Variants in HIF1A observed in about 807,000 individuals in gnomAD.
HIF1A encodes the protein hypoxia-inducible factor 1-alpha.
HIF1A carries 24 observed loss-of-function variants against 92.7 expected under a neutral mutation model. The ratio of observed to expected loss-of-function variants is 0.26; its 90% CI spans 0.19 to 0.36. HIF1A has a LOEUF of 0.36. HIF1A is among the 10% of genes least tolerant of loss of function. The pLI is 1.00. For missense variants in HIF1A, 799 were observed against 998.5 expected, an observed-to-expected ratio of 0.80 and a Z score of 2.69; for synonymous variants, 319 against 338.7, an observed-to-expected ratio of 0.94 and a Z score of 0.64.
At position 61,745,748 on chromosome 14, in the gene HIF1A, C is replaced by T. The variant is rs1251468432; in HGVS notation, c.2260C>T (p.Arg754Cys). 2.5e-6 allele frequency: 4 copies of T among 1,611,162 alleles called. No homozygotes were observed. Among genetic ancestry groups the T allele is most frequent in the Non-Finnish European group, 3.4e-6 (4 of 1,177,344 alleles). ...HAATTSLSWKRVKGCKSSEQN... is the reference protein window; with the variant it reads ...HAATTSLSWKCVKGCKSSEQN... ...AGCTACTACATCACTTTCTTGGAAACGTGTAAAAGGATGCAAATCTAGTGA... is the reference window on the plus strand; with the variant it reads ...AGCTACTACATCACTTTCTTGGAAATGTGTAAAAGGATGCAAATCTAGTGA... The change falls in exon 14 of 15, where the codon CGT (arginine) becomes TGT (cysteine). Residue 754 changes from arginine to cysteine, a missense_variant. Physicochemically the swap from Arg to Cys is radical, Grantham distance 180. Around this residue, in one of 2 missense-constraint regions of HIF1A, gnomAD observed 283 missense variants for 277.5 expected, o/e 1.02. Transcript: ENST00000337138.
At chr14:61,739,238 A>T (rs2044676973) in intron 10 of HIF1A, among the ~76,000 whole-genome samples, 2 of 152,190 alleles carry the variant, frequency 1.3e-5, no homozygotes, top group African/African-American at 4.8e-5. Flanking sequence ...GGTCTTTTTT[A>T]TTCTGGATCT....
At chr14:61,697,597 C>G (rs2044131136) in intron 1 of HIF1A, 2 of 782,286 alleles carry the variant, frequency 2.6e-6, no homozygotes, top group South Asian at 1.0e-4. Context: ...TTCCTCAGCC[C>G]ATCTGTTACT....
At chr14:61,728,345 C>T (rs940869231) in intron 6 of HIF1A, among the ~76,000 whole-genome samples, 3 of 152,324 alleles carry the variant, frequency 2.0e-5, no homozygotes, top group Non-Finnish European at 2.9e-5. Flanking sequence ...CCCTGAGAAG[C>T]TTCAACCTTG....
Position 61,727,413 on chromosome 14 carries a change from T to C in HIF1A, c.571-40T>C, listed in dbSNP as rs41467354. ...TCTCTGCTTTTTTTTTCCCTAGCAT[T>C]GTAAATATTTTTTTTAACTGCTTTG... On this transcript the variant is annotated intron_variant, in intron 5 of 14. Transcript: ENST00000337138. 4,204 of 1,460,620 alleles carry C rather than the reference T, an allele frequency of 2.9e-3. 96 individuals are homozygous for C. In the African/African-American group the frequency reaches 0.051, roughly 18 times the overall value. The allele number at this position is 1,460,620 out of a possible 1,614,324, so 90.5% of individuals were successfully genotyped here.
At chr14:61,704,485 A>T (rs1291853069) in intron 1 of HIF1A, among the ~76,000 whole-genome samples, 9 of 152,234 alleles carry the variant, frequency 5.9e-5, no homozygotes, top group Admixed American at 5.9e-4. Flanking sequence ...GGAGGGGGAA[A>T]TTAAGAAAGC....
Position 61,736,993 on chromosome 14 carries a change from T to C in HIF1A, c.1133T>C (p.Val378Ala). 4.3e-6 allele frequency: 7 copies of C among 1,613,632 alleles called. No individual in the cohort carries two copies. The highest frequency in any genetic ancestry group is 5.9e-6 in the Non-Finnish European group (7 of 1,179,484). The part of the protein sequence containing the change: ...DMKMTQLFTK[V>A]ESEDTSSLFD... Reference sequence around the variant, plus strand: ...AAAATGACTCAGCTATTCACCAAAGTTGAATCAGAAGATACAAGTAGCCTC... The same window carrying C: ...AAAATGACTCAGCTATTCACCAAAGCTGAATCAGAAGATACAAGTAGCCTC... Residue 378 changes from valine to alanine, a missense_variant, in exon 9 of 15, where the codon GTT (valine) becomes GCT (alanine). By Grantham distance (64) the Val-to-Ala change is moderately conservative. Coordinates refer to ENST00000337138, the MANE Select transcript of HIF1A (RefSeq NM_001530.4).
intron 1 of HIF1A, among the ~76,000 whole-genome samples, chr14:61,708,958 T>G (rs1282702550): frequency 7.2e-6 from 1 of 139,578 alleles, no homozygotes; most frequent in Non-Finnish European, 1.6e-5. Flanking sequence ...AGTGCAATGG[T>G]GTAATCTCAG....
intron 1 of HIF1A, among the ~76,000 whole-genome samples, chr14:61,703,806 C>T (rs2044204877): frequency 1.5e-5 from 1 of 64,790 alleles, no homozygotes; most frequent in South Asian, 5.7e-4. Flanking sequence ...ATACACAGAA[C>T]TCTTGACCAG....
intron 1 of HIF1A, chr14:61,698,002 C>T: frequency 1.7e-6 from 2 of 1,147,640 alleles, no homozygotes; most frequent in Non-Finnish European, 2.4e-6. Context: ...TCATGTTGTT[C>T]CTAGTTATAG....
intron 1 of HIF1A, among the ~76,000 whole-genome samples, chr14:61,701,399 T>C (rs920471295): frequency 2.0e-5 from 3 of 152,154 alleles, no homozygotes; most frequent in Non-Finnish European, 4.4e-5. Flanking sequence ...AATTTAAAAG[T>C]GTCTAGTATT....
intron 6 of HIF1A, among the ~76,000 whole-genome samples, chr14:61,729,573 T>C (rs1413334311): frequency 6.6e-6 from 1 of 152,176 alleles, no homozygotes. Context: ...GTGTCAACTT[T>C]AAGAAAATGA....
chr14:61,709,303 A>G (rs1369376455), intron 1 of HIF1A, among the ~76,000 whole-genome samples: 1 of 152,236 alleles, frequency 6.6e-6, no homozygotes, highest in African/African-American at 2.4e-5. Flanking sequence ...TAATCTAAAA[A>G]CAAAAAGCAC....
chr14:61,708,737 T>G (rs1385637055), intron 1 of HIF1A, among the ~76,000 whole-genome samples: 1 of 152,318 alleles, frequency 6.6e-6, no homozygotes, highest in East Asian at 1.9e-4. Context: ...TCAGGTAGTG[T>G]GATGCCTCCA....
At chr14:61,712,800 A>G (rs2140129215) in intron 1 of HIF1A, among the ~76,000 whole-genome samples, 1 of 151,800 alleles carries the variant, frequency 6.6e-6, no homozygotes, top group East Asian at 1.9e-4. Flanking sequence ...CAAATATGTC[A>G]AAGTCAAACT....
chr14:61,744,798 T>C lies in HIF1A; in HGVS notation c.2187T>C (p.Phe729=). The C allele has an allele frequency of 6.4e-7, 1 of 1,568,302 alleles. No individual in the cohort carries two copies. Among genetic ancestry groups the C allele is most frequent in the Non-Finnish European group, 8.8e-7 (1 of 1,142,114 alleles). Residue 729 remains phenylalanine, a synonymous_variant, in exon 13 of 15, where the codon TTT becomes TTC. Transcript: ENST00000337138. ...AAATGGAACATGATGGTTCACTTTT[T>C]CAAGCAGTAGGAATTGTAAGTATGA... ...KRKMEHDGSL[F]QAVGIGTLLQ... is the part of the protein sequence containing the mutation.
In HIF1A at chr14:61,720,488, CATA is replaced by C; in HGVS notation, c.145_147del (p.Asn49del). ...GCTTGCTCATCAGTTGCCACTTCCACATAATGTGAGTTCGCATCTTGATAAGGC... is the reference window on the plus strand; with the variant it reads ...GCTTGCTCATCAGTTGCCACTTCCACATGTGAGTTCGCATCTTGATAAGGC... On this transcript the variant is annotated inframe_deletion, in exon 2 of 15. Coordinates refer to ENST00000337138, the MANE Select transcript of HIF1A (RefSeq NM_001530.4). 6.2e-7 allele frequency: 1 copy of C among 1,613,514 alleles called. No individual in the cohort carries two copies. Among genetic ancestry groups the C allele is most frequent in the South Asian group, 1.1e-5 (1 of 91,000 alleles).
intron 4 of HIF1A, among the ~76,000 whole-genome samples, chr14:61,725,684 G>T (rs2044494810): frequency 6.6e-6 from 1 of 152,170 alleles, no homozygotes; most frequent in South Asian, 2.1e-4. Context: ...CAAAGTGCTG[G>T]GATTACAGGC....
chr14:61,702,866 T>G (rs1434857526), intron 1 of HIF1A, among the ~76,000 whole-genome samples: 1 of 152,260 alleles, frequency 6.6e-6, no homozygotes, highest in Non-Finnish European at 1.5e-5. Flanking sequence ...ACTGTAGGAT[T>G]AGGGACTGAG....
rs756924216 is a variant in HIF1A, at chr14:61,738,189, C to T, written c.1352C>T (p.Ser451Phe). ...TTACAGAATATAAATTTGGCAATGTCTCCATTACCCACCGCTGAAACGCCA... is the reference window on the plus strand; with the variant it reads ...TTACAGAATATAAATTTGGCAATGTTTCCATTACCCACCGCTGAAACGCCA... ...EKLQNINLAMSPLPTAETPKP... is the reference protein window; with the variant it reads ...EKLQNINLAMFPLPTAETPKP... The change falls in exon 10 of 15, where the codon TCT becomes TTT. Residue 451 changes from serine to phenylalanine, a missense_variant. This residue lies in a region of HIF1A where 516 missense variants were observed against 721.0 expected (regional missense o/e 0.72). Coordinates refer to ENST00000337138, the MANE Select transcript of HIF1A (RefSeq NM_001530.4). 6 of 1,613,938 alleles carry T rather than the reference C, an allele frequency of 3.7e-6. No homozygotes were observed. In the South Asian group the frequency reaches 6.6e-5, roughly 18 times the overall value.
Sources: allele counts gnomAD v4.1 joint callset (sites outside exome capture counted in the v4.1 genomes callset), GRCh38; gene constraint gnomAD v4.1.1; regional missense constraint gnomAD v4.1.1; transcripts MANE v1.5; gene names NCBI Gene and HGNC (gene_info 2026-07-23, HGNC 2026-07-21).